The following DGCR2 variants were observed in gnomAD, a reference collection of about 807,000 sequenced individuals.
DGCR2 encodes the protein DiGeorge syndrome critical region gene 2, also known as integral membrane protein DGCR2/IDD.
In DGCR2, 24 loss-of-function variants were observed where a neutral mutation model predicts 51.6. That is an observed-to-expected ratio of 0.47 (90% confidence interval 0.34 to 0.65). The LOEUF (loss-of-function observed/expected upper bound fraction) is 0.65, where lower values mean the gene tolerates loss of function less well. Ranked by LOEUF, DGCR2 falls within the 30% of genes least tolerant of loss-of-function variation. The probability of loss-of-function intolerance (pLI) is 0.01; values close to 1 mark genes in which losing one functional copy is unlikely to be tolerated. For synonymous variants in DGCR2, 340 were observed against 315.4 expected, an observed-to-expected ratio of 1.08 and a Z score of -0.82; for missense variants, 765 against 772.1, an observed-to-expected ratio of 0.99 and a Z score of 0.11.
intron 2 of DGCR2, 97 bp from the exon 3 acceptor site, chr22:19,068,322 A>T: frequency 5.9e-6 from 8 of 1,358,822 alleles, no homozygotes; most frequent in Non-Finnish European, 7.6e-6. Context: ...GCAAGGCCGG[A>T]GGGGGGGCCT....
intron 5 of DGCR2, among the ~76,000 whole-genome samples, chr22:19,060,101 C>CCTGACCCCAG (rs546771224): frequency 2.0e-5 from 3 of 152,308 alleles, no homozygotes; most frequent in Admixed American, 6.5e-5. Flanking sequence ...AGAACTGTGG[C>CCTGACCCCAG]CTGACCCCAG....
chr22:19,099,311 G>A (rs556133488), intron 1 of DGCR2, among the ~76,000 whole-genome samples: 1 of 152,338 alleles, frequency 6.6e-6, no homozygotes, highest in African/African-American at 2.4e-5. Context: ...TACGCGTGGT[G>A]ACTCACGCCT....
chr22:19,117,638 G>A (rs113026738), intron 1 of DGCR2, among the ~76,000 whole-genome samples: 2,453 of 152,320 alleles, frequency 0.016, 72 homozygotes, highest in African/African-American at 0.056. Flanking sequence ...CATGGAAGAT[G>A]AGGGATAAGG....
intron 2 of DGCR2, among the ~76,000 whole-genome samples, chr22:19,076,248 C>T (rs1433661055): frequency 6.6e-6 from 1 of 152,074 alleles, no homozygotes; most frequent in Non-Finnish European, 1.5e-5. Flanking sequence ...GCAACTTTCG[C>T]CTCCTGGGTT....
chr22:19,111,194 G>C (rs1213153189), intron 1 of DGCR2, among the ~76,000 whole-genome samples: 1 of 152,178 alleles, frequency 6.6e-6, no homozygotes, highest in African/African-American at 2.4e-5. Flanking sequence ...ATCACTGTGT[G>C]GTGAGATCAC....
At chr22:19,042,071 G>A (rs57119987) in intron 7 of DGCR2, 112 bp from the exon 8 acceptor site, 13,842 of 1,266,328 alleles carry the variant, frequency 0.011, 520 homozygotes, top group East Asian at 0.071. Context: ...GGCACACAGT[G>A]TCTCCCTGCA....
chr22:19,040,003 C>G (rs994044148), intron 9 of DGCR2, among the ~76,000 whole-genome samples: 3 of 152,168 alleles, frequency 2.0e-5, no homozygotes. Flanking sequence ...TGAGCCACTG[C>G]GCCTGGGCTG....
At chr22:19,082,863 C>T (rs746227176) in intron 2 of DGCR2, among the ~76,000 whole-genome samples, 3 of 152,124 alleles carry the variant, frequency 2.0e-5, no homozygotes, top group Admixed American at 1.3e-4. Flanking sequence ...CCGAAGCAGG[C>T]AGACTGCTTA....
Position 19,038,612 on chromosome 22 carries a change from C to T in DGCR2, c.*253G>A. 2 of 551,178 alleles carry T rather than the reference C, an allele frequency of 3.6e-6. No homozygotes were observed. Among genetic ancestry groups the T allele is most frequent in the South Asian group, 4.7e-5 (2 of 42,448 alleles). 34.1% of individuals were successfully genotyped at this position (551,178 alleles called of 1,614,324 possible). ...CTGAATGAATTTTGTCACTCTTCTGCCATTTATAAAGGAGAAGACAGTGAT... is the reference window on the plus strand; with the variant it reads ...CTGAATGAATTTTGTCACTCTTCTGTCATTTATAAAGGAGAAGACAGTGAT... On this transcript the variant is annotated 3_prime_UTR_variant, in exon 10 of 10. Coordinates refer to ENST00000263196, the MANE Select transcript of DGCR2 (RefSeq NM_005137.3).
chr22:19,056,361 C>A, intron 6 of DGCR2: 1 of 320,360 alleles, frequency 3.1e-6, no homozygotes, highest in Non-Finnish European at 5.9e-6. Flanking sequence ...AACGCCTGCA[C>A]CATGCTCGGC....
Position 19,057,090 on chromosome 22 carries a change from C to G in DGCR2, c.698G>C (p.Cys233Ser). The G allele has an allele frequency of 6.2e-7, 1 of 1,606,300 alleles. No individual in the cohort carries two copies. The highest frequency in any genetic ancestry group is 8.5e-7 in the Non-Finnish European group (1 of 1,176,584). ...SAMSENDNVF[C>S]AQLQCFHFPT... ...GAAATGGAAGCACTGAAGCTGGGCA[C>G]AGAACACGTTGTCGTTCTCAGACAT... Residue 233 changes from cysteine (C) to serine (S), a missense_variant, in exon 6 of 10, where the codon TGT becomes TCT. By Grantham distance (112) the Cys-to-Ser change is moderately radical. Coordinates refer to ENST00000263196, the MANE Select transcript of DGCR2 (RefSeq NM_005137.3). The surrounding 1 kb of genome is among the most constrained non-coding windows in gnomAD (Gnocchi z 5.1).
chr22:19,116,085 C>G (rs807743), intron 1 of DGCR2, among the ~76,000 whole-genome samples: 48,384 of 152,212 alleles, frequency 0.32, 8,651 homozygotes, highest in African/African-American at 0.49. Context: ...GAAGAGTGAG[C>G]AGTAGAACAG....
intron 2 of DGCR2, among the ~76,000 whole-genome samples, chr22:19,084,921 G>A (rs570266568): frequency 0.013 from 1,906 of 152,250 alleles, 13 homozygotes; most frequent in Non-Finnish European, 0.022. Context: ...CACCCCATCT[G>A]GGAGGTGTAC....
chr22:19,082,222 C>CTTT (rs56725898), intron 2 of DGCR2, among the ~76,000 whole-genome samples: 7,760 of 87,990 alleles, frequency 0.088, 607 homozygotes, highest in Non-Finnish European at 0.12. Context: ...CTAATTATTT[C>CTTT]TTTTTTTTTT....
intron 7 of DGCR2, among the ~76,000 whole-genome samples, chr22:19,043,296 A>G (rs983534888): frequency 6.6e-6 from 1 of 152,198 alleles, no homozygotes; most frequent in Admixed American, 6.5e-5. Flanking sequence ...CCCAACACAC[A>G]GTATCTGGTC....
At chr22:19,102,373 TTC>T (rs2146035824) in intron 1 of DGCR2, among the ~76,000 whole-genome samples, 1 of 152,270 alleles carries the variant, frequency 6.6e-6, no homozygotes, top group East Asian at 1.9e-4. Context: ...ATTCTGCATG[TTC>T]TTAGCACTGC....
In DGCR2 at chr22:19,112,418, T is replaced by TGTAATACCAGCACTTTGGGA. The variant is rs773881220; in HGVS notation, c.79+9709_79+9710insTCCCAAAGTGCTGGTATTAC. ...CACTCTCAATATTATTTAATAAACA[T>TGTAATACCAGCACTTTGGGA]GGTTTCAAATCAAAACAGGTTTTTT... On this transcript the variant is annotated intron_variant, in intron 1 of 9. Transcript: ENST00000263196. Among the ~76,000 whole-genome samples, 59 of 145,934 alleles carry TGTAATACCAGCACTTTGGGA rather than the reference T, an allele frequency of 4.0e-4. 2 individuals carry two copies. Among genetic ancestry groups the TGTAATACCAGCACTTTGGGA allele is most frequent in the South Asian group, 7.0e-4 (3 of 4,256 alleles).
intron 1 of DGCR2, among the ~76,000 whole-genome samples, chr22:19,119,431 C>T (rs1176266624): frequency 6.6e-6 from 1 of 152,024 alleles, no homozygotes; most frequent in Admixed American, 6.6e-5. Flanking sequence ...AAATCAAGTT[C>T]AAATGTGCAC....
chr22:19,089,832 C>T (rs9618463), intron 1 of DGCR2, among the ~76,000 whole-genome samples: 2 of 152,250 alleles, frequency 1.3e-5, no homozygotes, highest in South Asian at 2.1e-4. Context: ...CTGCCTGCCT[C>T]GGCCTCCCGA....
Sources: gnomAD v4.1 joint callset for allele counts (sites outside exome capture counted in the v4.1 genomes callset) on GRCh38, gnomAD v4.1.1 for gene constraint, Gnocchi (gnomAD v3.1) non-coding constraint, MANE v1.5 for transcripts, NCBI Gene and HGNC (gene_info 2026-07-23, HGNC 2026-07-21) for gene names.